Variants in EYS observed in about 807,000 individuals in gnomAD.
The protein encoded by EYS is protein eyes shut homolog.
EYS carries 250 observed loss-of-function variants against 282.1 expected under a neutral mutation model. The observed-to-expected ratio is 0.89, with a 90% CI of 0.80 to 0.98. EYS has a LOEUF of 0.98. EYS is among the 50% of genes least tolerant of loss of function. The probability of loss-of-function intolerance (pLI) is 0.00; values close to 1 mark genes in which losing one functional copy is unlikely to be tolerated. For missense variants in EYS, 4,016 were observed against 3,709.0 expected (o/e 1.08, Z -2.15); for synonymous variants, 1,355 against 1,282.9 (o/e 1.06, Z -1.20).
At chr6:64,648,426 C>A (rs997763128) in intron 22 of EYS, among the ~76,000 whole-genome samples, 10 of 152,100 alleles carry the variant, frequency 6.6e-5, no homozygotes, top group African/African-American at 2.4e-4. Context: ...TCATAAAATT[C>A]TGTCTGTGTT....
chr6:63,722,131 G>T (rs769231154), intron 42 of EYS, among the ~76,000 whole-genome samples: 1 of 152,026 alleles, frequency 6.6e-6, no homozygotes, highest in Non-Finnish European at 1.5e-5. Context: ...CTATTGTCAG[G>T]CTAGGTACCT....
chr6:64,750,157 G>A (rs1772696666), intron 22 of EYS, among the ~76,000 whole-genome samples: 1 of 151,852 alleles, frequency 6.6e-6, no homozygotes, highest in South Asian at 2.1e-4. Context: ...TTATTATCTA[G>A]TTATTTTTAA....
intron 35 of EYS, among the ~76,000 whole-genome samples, chr6:63,920,060 A>G (rs976641939): frequency 1.3e-5 from 2 of 151,924 alleles, no homozygotes; most frequent in South Asian, 2.1e-4. Flanking sequence ...CCTATCATCT[A>G]TCTAGTTTGT....
intron 29 of EYS, among the ~76,000 whole-genome samples, chr6:64,328,244 T>C (rs661822): frequency 0.69 from 104,366 of 152,066 alleles, 35,852 homozygotes; most frequent in South Asian, 0.71. Flanking sequence ...AAGAGCACCA[T>C]AGAGTTATAC....
At chr6:65,499,073 A>T (rs1335426387) in intron 2 of EYS, among the ~76,000 whole-genome samples, 2 of 152,012 alleles carry the variant, frequency 1.3e-5, no homozygotes, top group African/African-American at 4.8e-5. Context: ...CCAGAAAAAT[A>T]TTCACAGGAA....
chr6:65,349,244 T>C (rs561348914), intron 9 of EYS, among the ~76,000 whole-genome samples: 58 of 151,606 alleles, frequency 3.8e-4, no homozygotes, highest in Non-Finnish European at 7.2e-4. Flanking sequence ...TTAATGAAGC[T>C]ATGTAATCTA....
chr6:64,638,993 A>G (rs964665846), intron 22 of EYS, among the ~76,000 whole-genome samples: 2 of 85,334 alleles, frequency 2.3e-5, no homozygotes. Flanking sequence ...AGTGGCTTGA[A>G]CAACAGAAAT....
chr6:64,149,750 G>T (rs1209461196), intron 31 of EYS, among the ~76,000 whole-genome samples: 1 of 152,152 alleles, frequency 6.6e-6, no homozygotes, highest in Admixed American at 6.6e-5. Context: ...AGATCTTTCT[G>T]ACTTTAAAGC....
At chr6:65,204,182 A>G (rs1765971316) in intron 12 of EYS, among the ~76,000 whole-genome samples, 1 of 152,126 alleles carries the variant, frequency 6.6e-6, no homozygotes, top group South Asian at 2.1e-4. Flanking sequence ...CTAGAGATGT[A>G]GACATTCAAA....
chr6:65,390,757 C>T (rs373567108), intron 7 of EYS, among the ~76,000 whole-genome samples: 1 of 151,648 alleles, frequency 6.6e-6, no homozygotes, highest in African/African-American at 2.4e-5. Flanking sequence ...AGGTGAATAG[C>T]CCCAGCTACT....
intron 24 of EYS, among the ~76,000 whole-genome samples, chr6:64,599,387 T>C (rs1448600297): frequency 1.3e-5 from 2 of 152,178 alleles, no homozygotes; most frequent in Admixed American, 1.3e-4. Context: ...GCAGAGCCTA[T>C]AATACATGCT....
chr6:64,398,169 T>C (rs1309257343), intron 28 of EYS, among the ~76,000 whole-genome samples: 1 of 151,934 alleles, frequency 6.6e-6, no homozygotes, highest in Non-Finnish European at 1.5e-5. Flanking sequence ...CACCATAAAG[T>C]TGTGGCTGAC....
At chr6:64,057,645 G>A (rs1487482002) in intron 33 of EYS, among the ~76,000 whole-genome samples, 5 of 152,128 alleles carry the variant, frequency 3.3e-5, no homozygotes, top group East Asian at 1.9e-4. Context: ...TGTTAAACAA[G>A]TATGCTGTTT....
Position 64,489,373 on chromosome 6 carries a change from A to G in EYS, c.5645-50021T>C, listed in dbSNP as rs191326637. On this transcript the variant is annotated intron_variant, in intron 26 of 42. Transcript: ENST00000503581. Reference sequence around the variant, plus strand: ...AGACAATTGAGCTTTTCTTTTTTGTATACACATGTGTACTTGTGGTGTGTT... The same window carrying G: ...AGACAATTGAGCTTTTCTTTTTTGTGTACACATGTGTACTTGTGGTGTGTT... Among the ~76,000 whole-genome samples the G allele has an allele frequency of 8.3e-4, 125 of 150,634 alleles. 1 individual carries two copies. The highest frequency in any genetic ancestry group is 4.8e-4 in the African/African-American group (20 of 41,366).
chr6:65,394,240 G>GTA (rs1009825080), intron 7 of EYS, among the ~76,000 whole-genome samples: 7 of 152,036 alleles, frequency 4.6e-5, no homozygotes, highest in African/African-American at 1.4e-4. Context: ...ACGTGTGTGT[G>GTA]TGTGTGTGTG....
At chr6:63,979,863 T>C (rs532892636) in intron 35 of EYS, among the ~76,000 whole-genome samples, 2 of 152,030 alleles carry the variant, frequency 1.3e-5, no homozygotes, top group East Asian at 3.9e-4. Context: ...GATTGGACAC[T>C]GTCCAGAAAC....
chr6:64,197,487 G>C (rs1449050988), intron 31 of EYS, among the ~76,000 whole-genome samples: 2 of 152,112 alleles, frequency 1.3e-5, no homozygotes, highest in East Asian at 3.9e-4. Context: ...TTTGTGCTCT[G>C]TTTATCTCTT....
intron 33 of EYS, among the ~76,000 whole-genome samples, chr6:64,036,400 A>G (rs1202404758): frequency 2.0e-5 from 3 of 152,214 alleles, no homozygotes; most frequent in Non-Finnish European, 4.4e-5. Context: ...GGAAAAGTAA[A>G]ATAATGAGAT....
intron 26 of EYS, among the ~76,000 whole-genome samples, chr6:64,469,598 G>A (rs1776042923): frequency 6.6e-6 from 1 of 152,124 alleles, no homozygotes; most frequent in South Asian, 2.1e-4. Context: ...TTGGTCTAGC[G>A]GTGACGCCAG....
Sources: allele counts gnomAD v4.1 joint callset (sites outside exome capture counted in the v4.1 genomes callset), GRCh38; gene constraint gnomAD v4.1.1; transcripts MANE v1.5; gene names NCBI Gene and HGNC (gene_info 2026-07-23, HGNC 2026-07-21).